The following ZNF512 variants were observed in gnomAD, a reference collection of about 807,000 sequenced individuals.
The protein encoded by ZNF512 is zinc finger protein 512.
ZNF512 carries 25 observed loss-of-function variants against 77.5 expected under a neutral mutation model. The ratio of observed to expected loss-of-function variants is 0.32; its 90% CI spans 0.23 to 0.45. The LOEUF (loss-of-function observed/expected upper bound fraction) is 0.45, where lower values mean the gene tolerates loss of function less well. ZNF512 is among the 20% of genes least tolerant of loss of function. The pLI is 1.00. For missense variants in ZNF512, 483 were observed against 692.6 expected (o/e 0.70, Z 3.40); for synonymous variants, 246 against 239.9 (o/e 1.03, Z -0.24).
chr2:27,610,544 G>GTGTGTATATATATATATATATA (rs1413007886), intron 10 of ZNF512, among the ~76,000 whole-genome samples: 5 of 32,654 alleles, frequency 1.5e-4, no homozygotes, highest in East Asian at 1.6e-3. Flanking sequence ...ATATGTGTGT[G>GTGTGTATATATATATATATATA]TATATATATA....
chr2:27,583,344 C>G lies in ZNF512; in HGVS notation c.30+202C>G, dbSNP rs1037306555. On this transcript the variant is annotated intron_variant, in intron 1 of 13. Transcript: ENST00000355467. ...CCACCTCCTTGGATTTAATTCCTCG[C>G]CACATTACCATTAGTTTCTATTCCT... 114 of 1,285,758 alleles carry G rather than the reference C, an allele frequency of 8.9e-5. No individual in the cohort carries two copies. In the Middle Eastern group the frequency reaches 1.7e-3, roughly 20 times the overall value. The allele number at this position is 1,285,758 out of a possible 1,614,324, so 79.6% of individuals were successfully genotyped here.
At chr2:27,599,282 T>C (rs919718117) in intron 3 of ZNF512, among the ~76,000 whole-genome samples, 1 of 152,250 alleles carries the variant, frequency 6.6e-6, no homozygotes, top group Non-Finnish European at 1.5e-5. Flanking sequence ...TGAGCAATTC[T>C]TATCCTCTTG....
rs1407525310 is a variant in ZNF512 at position 27,593,240 on chromosome 2, AC to A, written c.90-4826del. On this transcript the variant is annotated intron_variant, in intron 2 of 13. Transcript: ENST00000355467. The stretch of plus-strand genomic sequence containing the variant: ...CACACACACACACACACACACACAC[AC>A]ACACAAAAGAATGAGCTGGGTACCG... Among the ~76,000 whole-genome samples, 963 of 148,310 alleles carry A rather than the reference AC, an allele frequency of 6.5e-3. 10 individuals carry two copies. Among genetic ancestry groups the A allele is most frequent in the Middle Eastern group, 0.024 (7 of 292 alleles).
At chr2:27,611,995 A>G (rs1485958028) in intron 10 of ZNF512, among the ~76,000 whole-genome samples, 1 of 152,098 alleles carries the variant, frequency 6.6e-6, no homozygotes, top group Admixed American at 6.5e-5. Context: ...CGCCTGTAAC[A>G]GTTATGCCTG....
At chr2:27,610,496 A>T (rs1421723996) in intron 10 of ZNF512, among the ~76,000 whole-genome samples, 1 of 116,726 alleles carries the variant, frequency 8.6e-6, no homozygotes, top group Non-Finnish European at 1.7e-5. Flanking sequence ...ATATATGTGT[A>T]TATGTGTATA....
intron 2 of ZNF512, among the ~76,000 whole-genome samples, chr2:27,590,450 A>G (rs749624226): frequency 3.0e-4 from 45 of 152,224 alleles, no homozygotes; most frequent in Middle Eastern, 3.4e-3. Flanking sequence ...TATATTTTAG[A>G]GTGTGCTTCT....
chr2:27,602,061 G>C (rs1444179427), intron 7 of ZNF512, among the ~76,000 whole-genome samples: 3 of 152,258 alleles, frequency 2.0e-5, no homozygotes, highest in African/African-American at 7.2e-5. Flanking sequence ...TGGGATTACA[G>C]GCGTGAGCCA....
intron 2 of ZNF512, 106 bp from the exon 3 acceptor site, chr2:27,597,961 T>G (rs1368085175): frequency 2.6e-6 from 2 of 783,602 alleles, no homozygotes; most frequent in African/African-American, 3.4e-5. Flanking sequence ...TATAGCAGGC[T>G]TCTTAGTTTT....
intron 9 of ZNF512, among the ~76,000 whole-genome samples, chr2:27,604,259 C>T (rs187125395): frequency 2.6e-5 from 4 of 152,216 alleles, no homozygotes; most frequent in East Asian, 3.9e-4. Context: ...AAAGGCATTC[C>T]CCCATAGCTA....
chr2:27,603,182 C>T lies in ZNF512; in HGVS notation c.811C>T (p.His271Tyr). 6.2e-7 allele frequency: 1 copy of T among 1,614,136 alleles called. No individual in the cohort carries two copies. The highest frequency in any genetic ancestry group is 8.5e-7 in the Non-Finnish European group (1 of 1,180,028). ...CACCAGCATCATGGGATATCTCTAC[C>T]ATGTCAGAAAATGTGGCAAAGGGGC... is the stretch of plus-strand genomic sequence containing the variant. ...SFTSIMGYLY[H>Y]VRKCGKGAAE... The change falls in exon 9 of 14, where the codon CAT becomes TAT. Residue 271 changes from histidine to tyrosine, a missense_variant. Around this residue, in one of 2 missense-constraint regions of ZNF512, gnomAD observed 324 missense variants for 525.0 expected, o/e 0.62. Transcript: ENST00000355467.
chr2:27,605,876 G>C (rs1406283016), intron 9 of ZNF512, among the ~76,000 whole-genome samples: 1 of 152,240 alleles, frequency 6.6e-6, no homozygotes, highest in Non-Finnish European at 1.5e-5. Flanking sequence ...AACTTCATAA[G>C]AAACTGCTGC....
rs1558469818 is a variant in ZNF512 at position 27,600,788 on chromosome 2, A to G, written c.555A>G (p.Leu185=). 2 of 1,613,290 alleles carry G rather than the reference A, an allele frequency of 1.2e-6. No homozygotes were observed. The change falls in exon 6 of 14, where the codon TTA becomes TTG. Residue 185 remains leucine (L), a synonymous_variant. Transcript: ENST00000355467. ...TGGGGAGGAAGACCATAGAGGGTTTAAAGAAACACATGGAAAACTGCAAGC... is the reference window on the plus strand; with the variant it reads ...TGGGGAGGAAGACCATAGAGGGTTTGAAGAAACACATGGAAAACTGCAAGC... ...QAVGRKTIEG[L]KKHMENCKQE...
chr2:27,614,139 G>A (rs1672785035), intron 10 of ZNF512, among the ~76,000 whole-genome samples: 1 of 152,080 alleles, frequency 6.6e-6, no homozygotes, highest in Non-Finnish European at 1.5e-5. Flanking sequence ...TATGGGCTTT[G>A]GGTGTGTTTT....
intron 2 of ZNF512, among the ~76,000 whole-genome samples, chr2:27,590,633 T>C (rs1671529233): frequency 6.6e-6 from 1 of 152,190 alleles, no homozygotes; most frequent in African/African-American, 2.4e-5. Flanking sequence ...CTGTGTTTCT[T>C]CTTTTGGATT....
intron 2 of ZNF512, among the ~76,000 whole-genome samples, chr2:27,594,704 ACG>A (rs1304148820): frequency 2.8e-5 from 4 of 142,992 alleles, no homozygotes; most frequent in African/African-American, 1.0e-4. Flanking sequence ...CCAGGCAGAG[ACG>A]CTCCTCACTT....
At chr2:27,588,708 G>A (rs528521763) in intron 2 of ZNF512, among the ~76,000 whole-genome samples, 26 of 151,900 alleles carry the variant, frequency 1.7e-4, no homozygotes, top group African/African-American at 3.6e-4. Context: ...AGTTCTTTGC[G>A]TTTTTATAAG....
intron 2 of ZNF512, among the ~76,000 whole-genome samples, chr2:27,595,450 G>A (rs765937696): frequency 1.3e-5 from 2 of 151,866 alleles, no homozygotes; most frequent in African/African-American, 2.4e-5. Context: ...TCAGCCTGCC[G>A]AGTAGCTGAG....
chr2:27,600,562 G>A, intron 5 of ZNF512, 129 bp from the exon 6 acceptor site: 1 of 1,033,464 alleles, frequency 9.7e-7, no homozygotes, highest in Non-Finnish European at 1.4e-6. Context: ...CCCAGCAAGA[G>A]CCTCTTCATC....
At chr2:27,589,950 A>G (rs1008248939) in intron 2 of ZNF512, among the ~76,000 whole-genome samples, 1 of 152,210 alleles carries the variant, frequency 6.6e-6, no homozygotes, top group African/African-American at 2.4e-5. Context: ...TCCTTTTAAT[A>G]AAAGTTAAAG....
Sources: allele counts gnomAD v4.1 joint callset (sites outside exome capture counted in the v4.1 genomes callset), GRCh38; gene constraint gnomAD v4.1.1; regional missense constraint gnomAD v4.1.1; transcripts MANE v1.5; gene names NCBI Gene and HGNC (gene_info 2026-07-23, HGNC 2026-07-21).